DNM3: variants seen among roughly 807,000 people sequenced by gnomAD.
DNM3 encodes dynamin-3.
Under a neutral mutation model 101.6 loss-of-function variants are expected in DNM3, and 47 were observed. The observed-to-expected ratio is 0.46, with a 90% CI of 0.37 to 0.59. DNM3 has a LOEUF of 0.59. Ranked by LOEUF, DNM3 falls within the 20% of genes least tolerant of loss-of-function variation. The probability of loss-of-function intolerance (pLI) is 0.00; values close to 1 mark genes in which losing one functional copy is unlikely to be tolerated. For synonymous variants in DNM3, 385 were observed against 387.9 expected, an observed-to-expected ratio of 0.99 and a Z score of 0.09; for missense variants, 849 against 1,085.7, an observed-to-expected ratio of 0.78 and a Z score of 3.06.
At chr1:171,949,582 T>A (rs1421012509) in intron 2 of DNM3, among the ~76,000 whole-genome samples, 8 of 138,342 alleles carry the variant, frequency 5.8e-5, no homozygotes, top group Admixed American at 5.0e-4. Flanking sequence ...GCTAATGAAA[T>A]TTTTTTTTTT....
At chr1:172,078,686 G>A (rs1037764814) in intron 11 of DNM3, among the ~76,000 whole-genome samples, 2 of 152,066 alleles carry the variant, frequency 1.3e-5, no homozygotes, top group African/African-American at 4.8e-5. Context: ...TGGTTATTTT[G>A]CCCATTAGTT....
chr1:172,247,046 C>T (rs1446896633), intron 14 of DNM3, among the ~76,000 whole-genome samples: 1 of 152,060 alleles, frequency 6.6e-6, no homozygotes, highest in Non-Finnish European at 1.5e-5. Context: ...AAACATTTAT[C>T]GTCCCTGGGT....
intron 4 of DNM3, among the ~76,000 whole-genome samples, chr1:172,004,395 A>G (rs2046543412): frequency 6.6e-6 from 1 of 152,072 alleles, no homozygotes; most frequent in Non-Finnish European, 1.5e-5. Context: ...GAATAGAAGC[A>G]GGCAAGGAAC....
intron 10 of DNM3, among the ~76,000 whole-genome samples, chr1:172,056,541 C>A (rs867221637): frequency 6.6e-6 from 1 of 152,104 alleles, no homozygotes. Context: ...GACCCCTGAC[C>A]CCCGAGCAGC....
At chr1:172,181,928 A>G (rs144623239) in intron 14 of DNM3, among the ~76,000 whole-genome samples, 2 of 152,030 alleles carry the variant, frequency 1.3e-5, no homozygotes, top group East Asian at 1.9e-4. Flanking sequence ...TTGTTTCTTA[A>G]TTAACTCATT....
intron 1 of DNM3, among the ~76,000 whole-genome samples, chr1:171,900,926 G>A (rs1260233833): frequency 1.4e-5 from 2 of 147,460 alleles, no homozygotes; most frequent in African/African-American, 5.0e-5. Context: ...GGCCAACACG[G>A]TGAAACCCAG....
At position 172,070,769 on chromosome 1, in the gene DNM3, A is replaced by G. The variant is rs886388698; in HGVS notation, c.1422+1864A>G. Reference sequence around the variant, plus strand: ...CAATAGTGGTAGTTAACTCACAGACATTTTGTGAGGATGGAAAGAAGTAAT... The same window carrying G: ...CAATAGTGGTAGTTAACTCACAGACGTTTTGTGAGGATGGAAAGAAGTAAT... On this transcript the variant is annotated intron_variant, in intron 11 of 20. Coordinates refer to ENST00000627582, the MANE Select transcript of DNM3 (RefSeq NM_015569.5). Among the ~76,000 whole-genome samples, 12 of 152,120 alleles carry G rather than the reference A, an allele frequency of 7.9e-5. No individual in the cohort carries two copies. In the East Asian group the frequency reaches 2.3e-3, roughly 30 times the overall value.
At chr1:171,971,010 G>A (rs1307329464) in intron 2 of DNM3, among the ~76,000 whole-genome samples, 16 of 151,976 alleles carry the variant, frequency 1.1e-4, no homozygotes, top group Admixed American at 7.9e-4. Context: ...TACTTAGTAT[G>A]AAATGGGCAT....
chr1:171,869,895 G>A (rs1163774916), intron 1 of DNM3, among the ~76,000 whole-genome samples: 1 of 152,152 alleles, frequency 6.6e-6, no homozygotes, highest in Admixed American at 6.5e-5. Context: ...TTTAGATTAG[G>A]GAAGTTCTGA....
chr1:171,894,966 C>T (rs552312808), intron 1 of DNM3, among the ~76,000 whole-genome samples: 2 of 152,306 alleles, frequency 1.3e-5, no homozygotes, highest in African/African-American at 4.8e-5. Flanking sequence ...AGGACATGAA[C>T]TCATCGTTTT....
At chr1:171,943,398 G>A (rs567359748) in intron 2 of DNM3, among the ~76,000 whole-genome samples, 1 of 152,170 alleles carries the variant, frequency 6.6e-6, no homozygotes, top group African/African-American at 2.4e-5. Context: ...CCTCCGTTTT[G>A]GAATTACCAA....
intron 14 of DNM3, among the ~76,000 whole-genome samples, chr1:172,202,521 A>C (rs190464520): frequency 1.6e-4 from 25 of 152,250 alleles, no homozygotes; most frequent in Non-Finnish European, 1.5e-4. Context: ...GATATATTTC[A>C]CACTTCATTA....
chr1:172,314,627 C>T (rs1051508883), intron 16 of DNM3, among the ~76,000 whole-genome samples: 2 of 152,200 alleles, frequency 1.3e-5, no homozygotes, highest in Non-Finnish European at 2.9e-5. Context: ...CACGGAGTCT[C>T]GCTGATTGCT....
chr1:172,257,334 A>C (rs1170875880), intron 15 of DNM3, among the ~76,000 whole-genome samples: 1 of 152,104 alleles, frequency 6.6e-6, no homozygotes, highest in Non-Finnish European at 1.5e-5. Flanking sequence ...ACTCACAAAG[A>C]ATCTTATTTT....
chr1:172,193,646 G>A (rs953119975), intron 14 of DNM3, among the ~76,000 whole-genome samples: 5 of 152,130 alleles, frequency 3.3e-5, no homozygotes, highest in East Asian at 1.9e-4. Context: ...GTTTATTTGC[G>A]TAGAGGTGTT....
At chr1:172,393,428 C>T (rs2069700488) in intron 20 of DNM3, 1 of 152,594 alleles carries the variant, frequency 6.6e-6, no homozygotes, top group Non-Finnish European at 1.5e-5. Flanking sequence ...ATGAGTGTGT[C>T]TTTGAATCCC....
rs369686906 is a variant in DNM3, at chr1:172,131,193, C to A, written c.1564C>A (p.Leu522Ile). ...VGNQVIRKGWLTISNIGIMKG... is the reference protein window; with the variant it reads ...VGNQVIRKGWITISNIGIMKG... ...TTCGTAGGTGATTCGCAAGGGGTGGCTCACCATCAGCAACATTGGCATCAT... is the reference window on the plus strand; with the variant it reads ...TTCGTAGGTGATTCGCAAGGGGTGGATCACCATCAGCAACATTGGCATCAT... Residue 522 changes from leucine (L) to isoleucine (I), a missense_variant, in exon 14 of 21, where the codon CTC becomes ATC. Leu to Ile is a conservative substitution (Grantham distance 5). Transcript: ENST00000627582. 3.5e-5 allele frequency: 56 copies of A among 1,613,244 alleles called. No individual in the cohort carries two copies. Among genetic ancestry groups the A allele is most frequent in the Non-Finnish European group, 4.3e-5 (51 of 1,179,594 alleles).
At position 172,209,781 on chromosome 1, in the gene DNM3, T is replaced by TC. The variant is rs747787184; in HGVS notation, c.1660-43792_1660-43791insC. 1.8e-4 allele frequency among the ~76,000 whole-genome samples: 28 copies of TC among 152,140 alleles called. No homozygotes were observed. In the East Asian group the frequency reaches 5.2e-3, roughly 28 times the overall value. On this transcript the variant is annotated intron_variant, in intron 14 of 20. Transcript: ENST00000627582. ...TTTCAGTCTAATATTTCCCAGGCCA[T>TC]TTTTTTCCTCATCTGGAAAATGCAG...
At chr1:171,909,022 A>C (rs2125266090) in intron 1 of DNM3, among the ~76,000 whole-genome samples, 1 of 151,848 alleles carries the variant, frequency 6.6e-6, no homozygotes, top group Non-Finnish European at 1.5e-5. Flanking sequence ...AACACCTGCT[A>C]TGTGCCATGT....
Sources: allele counts gnomAD v4.1 joint callset (sites outside exome capture counted in the v4.1 genomes callset), GRCh38; gene constraint gnomAD v4.1.1; transcripts MANE v1.5; gene names NCBI Gene and HGNC (gene_info 2026-07-23, HGNC 2026-07-21).